Variants in KIF21B observed in about 807,000 individuals in gnomAD.
KIF21B encodes kinesin family member 21B, also known as kinesin-like protein KIF21B.
In KIF21B, 85 loss-of-function variants were observed where a neutral mutation model predicts 192.9. The observed-to-expected ratio is 0.44, with a 90% CI of 0.37 to 0.53. The LOEUF (loss-of-function observed/expected upper bound fraction) is 0.53, where lower values mean the gene tolerates loss of function less well. Among genes scored for constraint, KIF21B ranks in the 20% least tolerant of loss-of-function variants. KIF21B has a pLI of 0.00. For missense variants in KIF21B, 1,716 were observed against 2,194.8 expected (o/e 0.78, Z 4.36); for synonymous variants, 832 against 884.6 (o/e 0.94, Z 1.05).
chr1:201,006,227 C>T (rs576371987), intron 3 of KIF21B, among the ~76,000 whole-genome samples: 30 of 152,324 alleles, frequency 2.0e-4, no homozygotes, highest in Non-Finnish European at 3.7e-4. Context: ...ATGGAGAGCA[C>T]GCCACTGTGG....
intron 26 of KIF21B, among the ~76,000 whole-genome samples, chr1:200,985,881 T>G (rs1193217513): frequency 6.9e-6 from 1 of 145,336 alleles, no homozygotes; most frequent in African/African-American, 2.5e-5. Flanking sequence ...AGTCTCACAC[T>G]GTCACCCAGG....
intron 1 of KIF21B, among the ~76,000 whole-genome samples, chr1:201,015,990 G>A (rs1658478401): frequency 6.6e-6 from 1 of 152,140 alleles, no homozygotes; most frequent in Non-Finnish European, 1.5e-5. Flanking sequence ...ATACTACCTA[G>A]TACTTTTTAA....
intron 1 of KIF21B, among the ~76,000 whole-genome samples, chr1:201,011,444 AG>A (rs1302607588): frequency 6.6e-6 from 1 of 152,264 alleles, no homozygotes; most frequent in Non-Finnish European, 1.5e-5. Flanking sequence ...GAGCAGAGCC[AG>A]GGCTTGAACC....
At chr1:201,012,689 G>A (rs1018864540) in intron 1 of KIF21B, among the ~76,000 whole-genome samples, 2 of 151,922 alleles carry the variant, frequency 1.3e-5, no homozygotes, top group African/African-American at 4.8e-5. Context: ...GTTGCCCCAG[G>A]GTGGAATCCA....
chr1:201,013,112 C>G lies in KIF21B; in HGVS notation c.42-3624G>C, dbSNP rs190773422. Among the ~76,000 whole-genome samples the G allele has an allele frequency of 2.6e-4, 39 of 152,318 alleles. 1 individual carries two copies. In the East Asian group the frequency reaches 3.5e-3, roughly 14 times the overall value. On this transcript the variant is annotated intron_variant, in intron 1 of 34. Coordinates refer to ENST00000461742, the MANE Select transcript of KIF21B (RefSeq NM_001252102.2). Reference sequence around the variant, plus strand: ...ACAGTTTGGCGGTGGCAGACACTGTCTCAGTCATCCTGGGCTCACTCTTTA... The same window carrying G: ...ACAGTTTGGCGGTGGCAGACACTGTGTCAGTCATCCTGGGCTCACTCTTTA...
chr1:200,991,523 G>T, intron 17 of KIF21B, 134 bp downstream of exon 17: 1 of 895,884 alleles, frequency 1.1e-6, no homozygotes, highest in Non-Finnish European at 1.7e-6. Context: ...GCCGGCTCTG[G>T]CAGAACTGGG....
intron 34 of KIF21B, chr1:200,974,337 CAG>C: frequency 2.0e-6 from 2 of 992,750 alleles, no homozygotes; most frequent in Non-Finnish European, 1.4e-6. Flanking sequence ...GCTCCCCACA[CAG>C]GGGGCCAGAG....
chr1:201,000,360 T>C lies in KIF21B; in HGVS notation c.1685+30A>G. 1 of 1,529,382 alleles carries C rather than the reference T, an allele frequency of 6.5e-7. No homozygotes were observed. Among genetic ancestry groups the C allele is most frequent in the Non-Finnish European group, 8.7e-7 (1 of 1,148,230 alleles). 94.7% of individuals were successfully genotyped at this position (1,529,382 alleles called of 1,614,324 possible). A position where few individuals can be genotyped will look rare whatever the true frequency, so the allele number is the denominator to read the frequency against. On this transcript the variant is annotated intron_variant, in intron 11 of 34. Transcript: ENST00000461742. This position sits in a 1 kb window ranked among gnomAD's most constrained non-coding sequence, Gnocchi z 6.0. ...GGGTCCACTGGGGCGGTCTGAGGGC[T>C]CTCAGGGGCGGGGACGACACTCCAC... is the stretch of plus-strand genomic sequence containing the variant.
intron 8 of KIF21B, chr1:201,002,607 C>T: frequency 2.1e-6 from 1 of 480,294 alleles, no homozygotes. Context: ...TCTTACTTGA[C>T]CTAACTTTCC....
chr1:201,021,532 G>A (rs1409725271), intron 1 of KIF21B, among the ~76,000 whole-genome samples: 1 of 152,240 alleles, frequency 6.6e-6, no homozygotes, highest in East Asian at 1.9e-4. Context: ...CAGAGGGCAG[G>A]CATGATCCCT....
chr1:200,987,226 T>C (rs1656367311), intron 24 of KIF21B, 25 bp from the exon 25 acceptor site: 1 of 1,591,380 alleles, frequency 6.3e-7, no homozygotes, highest in South Asian at 1.1e-5. Flanking sequence ...ACAGGGTGGA[T>C]CAACTTGCCC....
In KIF21B at chr1:200,979,592, G is replaced by A. The variant is rs1655782645; in HGVS notation, c.4103C>T (p.Thr1368Ile). The change falls in exon 30 of 35, where the codon ACC (threonine) becomes ATC (isoleucine). Residue 1368 changes from threonine (T) to isoleucine (I), a missense_variant. Transcript: ENST00000461742. Reference protein sequence around the residue: ...SHSGLVFSVSTSYIKVWDIRD... With the variant: ...SHSGLVFSVSISYIKVWDIRD... ...GATGTCCCACACCTTGATGTAGGAGGTGGACACGGAGAACACAAGCCCCGA... is the reference window on the plus strand; with the variant it reads ...GATGTCCCACACCTTGATGTAGGAGATGGACACGGAGAACACAAGCCCCGA... 3 of 1,591,948 alleles carry A rather than the reference G, an allele frequency of 1.9e-6. No individual in the cohort carries two copies. The South Asian group carries it at 3.4e-5, about 18-fold the overall frequency.
At position 201,023,262 on chromosome 1, in the gene KIF21B, C is replaced by T; in HGVS notation, c.41+81G>A. 7.8e-7 allele frequency: 1 copy of T among 1,290,044 alleles called. No homozygotes were observed. Among genetic ancestry groups the T allele is most frequent in the Admixed American group, 2.5e-5 (1 of 39,598 alleles). 79.9% of individuals were successfully genotyped at this position (1,290,044 alleles called of 1,614,324 possible). A position where few individuals can be genotyped will look rare whatever the true frequency, so the allele number is the denominator to read the frequency against. On this transcript the variant is annotated intron_variant, in intron 1 of 34. Coordinates refer to ENST00000461742, the MANE Select transcript of KIF21B (RefSeq NM_001252102.2). This position sits in a 1 kb window ranked among gnomAD's most constrained non-coding sequence, Gnocchi z 5.9. ...AGTGCAGGCTCCAGCCCAAGCGGTG[C>T]TCGCGCCCCCCGCCCAAAGCCCACG...
chr1:201,007,381 G>GACACACACACACAGAC (rs1171802759), intron 3 of KIF21B, among the ~76,000 whole-genome samples: 1 of 35,864 alleles, frequency 2.8e-5, no homozygotes, highest in African/African-American at 2.4e-4. Context: ...CAGAGACAGA[G>GACACACACACACAGAC]ACACACAGAC....
At position 200,991,711 on chromosome 1, in the gene KIF21B, A is replaced by G. The variant is rs771299156; in HGVS notation, c.2400T>C (p.Ala800=). The change falls in exon 17 of 35, where the codon GCT becomes GCC. Residue 800 remains alanine, a synonymous_variant. Transcript: ENST00000461742. The stretch of plus-strand genomic sequence containing the variant: ...CCTGCTGCCGCTTCTGGGACTCCAG[A>G]GCTCGGATCTGAAACTGTGGGAGAC... ...EQRRQEFQIR[A]LESQKRQQEM... 5 of 1,614,146 alleles carry G rather than the reference A, an allele frequency of 3.1e-6. No homozygotes were observed. In the East Asian group the frequency reaches 1.1e-4, roughly 36 times the overall value.
rs752932959 is a variant in KIF21B at position 200,977,245 on chromosome 1, G to C, written c.4292C>G (p.Ser1431Trp). ...SPSGTMLYAA[S>W]GNAVRIWELS... ...CTCCCAGATGCGGACGGCATTGCCC[G>C]AGGCGGCGTACAGCATGGTGCCCGA... is the stretch of plus-strand genomic sequence containing the variant. Residue 1431 changes from serine to tryptophan, a missense_variant, in exon 31 of 35, where the codon TCG becomes TGG. Transcript: ENST00000461742. 4.3e-6 allele frequency: 7 copies of C among 1,613,598 alleles called. No individual in the cohort carries two copies. The highest frequency in any genetic ancestry group is 5.9e-6 in the Non-Finnish European group (7 of 1,179,656).
chr1:200,985,480 C>T (rs895402499), intron 26 of KIF21B, among the ~76,000 whole-genome samples: 2 of 151,972 alleles, frequency 1.3e-5, no homozygotes, highest in Admixed American at 1.3e-4. Flanking sequence ...GAAGTAAGAC[C>T]CTATCTCTAA....
intron 2 of KIF21B, 56 bp from the exon 3 acceptor site, chr1:201,009,007 G>T: frequency 6.5e-7 from 1 of 1,537,272 alleles, no homozygotes; most frequent in South Asian, 1.2e-5. Flanking sequence ...GCACCAGCAA[G>T]CCCTGTACCT....
At position 200,971,316 on chromosome 1, in the gene KIF21B, C is replaced by G. The variant is rs1368216789; in HGVS notation, c.*2205G>C. On this transcript the variant is annotated 3_prime_UTR_variant, in exon 35 of 35. Transcript: ENST00000461742. ...CTGGCCCCGCCGTGAGGTAGCTGAC[C>G]CATCAGAAACAGCAGAAAATGGGCA... 2 of 152,734 alleles carry G rather than the reference C, an allele frequency of 1.3e-5. No individual in the cohort carries two copies. Among genetic ancestry groups the G allele is most frequent in the East Asian group, 3.8e-4 (2 of 5,326 alleles). The allele number at this position is 152,734 out of a possible 1,614,324, so 9.5% of individuals were successfully genotyped here.
Sources: gnomAD v4.1 joint callset for allele counts (sites outside exome capture counted in the v4.1 genomes callset) on GRCh38, gnomAD v4.1.1 for gene constraint, Gnocchi (gnomAD v3.1) non-coding constraint, MANE v1.5 for transcripts, NCBI Gene and HGNC (gene_info 2026-07-23, HGNC 2026-07-21) for gene names.